Variants in CHD5 observed in about 807,000 individuals in gnomAD.
CHD5 encodes the protein ATP-dependent chromatin remodeler CHD5.
A neutral mutation model predicts 230.3 loss-of-function variants in CHD5; 69 were observed. That is an observed-to-expected ratio of 0.30 (90% CI 0.25 to 0.37). CHD5 has a LOEUF of 0.37. Ranked by LOEUF, CHD5 falls within the 10% of genes least tolerant of loss-of-function variation. The pLI is 1.00. For synonymous variants in CHD5, 1,064 were observed against 1,065.9 expected (o/e 1.00, Z 0.03); for missense variants, 1,827 against 2,622.8 (o/e 0.70, Z 6.63).
chr1:6,150,650 G>A (rs888050901), intron 7 of CHD5, among the ~76,000 whole-genome samples: 2 of 152,100 alleles, frequency 1.3e-5, no homozygotes, highest in Non-Finnish European at 2.9e-5. Flanking sequence ...AAGGAGGGAT[G>A]GGAAGGAAGG....
intron 38 of CHD5, among the ~76,000 whole-genome samples, chr1:6,107,128 G>A (rs1385715227): frequency 6.8e-6 from 1 of 146,116 alleles, no homozygotes; most frequent in Non-Finnish European, 1.5e-5. Flanking sequence ...AGGGATGGAG[G>A]GATAATGTAG....
intron 15 of CHD5, among the ~76,000 whole-genome samples, chr1:6,137,669 G>A (rs1169268644): frequency 6.6e-6 from 1 of 152,200 alleles, no homozygotes; most frequent in East Asian, 1.9e-4. Context: ...GCCTCAGGCT[G>A]GAGCACTCTC....
At position 6,134,787 on chromosome 1, in the gene CHD5, C is replaced by G; in HGVS notation, c.2943G>C (p.Ser981=). 6.2e-7 allele frequency: 1 copy of G among 1,614,048 alleles called. No individual in the cohort carries two copies. Among genetic ancestry groups the G allele is most frequent in the South Asian group, 1.1e-5 (1 of 91,080 alleles). ...LNSKGGGNQV[S]LLNIMMDLKK... ...TCAGGTCCATCATGATGTTGAGCAGCGATACTTGGTTCCCGCCCCCCTTGG... is the reference window on the plus strand; with the variant it reads ...TCAGGTCCATCATGATGTTGAGCAGGGATACTTGGTTCCCGCCCCCCTTGG... Residue 981 remains serine, a synonymous_variant, in exon 19 of 42, where the codon TCG becomes TCC. Coordinates refer to ENST00000262450, the MANE Select transcript of CHD5 (RefSeq NM_015557.3). This position sits in a 1 kb window ranked among gnomAD's most constrained non-coding sequence, Gnocchi z 6.3.
chr1:6,175,336 GATGA>G (rs1667408646), intron 1 of CHD5, among the ~76,000 whole-genome samples: 1 of 151,272 alleles, frequency 6.6e-6, no homozygotes, highest in African/African-American at 2.4e-5. Context: ...ATGGATGGTG[GATGA>G]ATGGATGAGT....
intron 41 of CHD5, 78 bp downstream of exon 41, chr1:6,106,147 AAGTGCAGGG>A (rs1666160120): frequency 8.1e-7 from 1 of 1,234,278 alleles, no homozygotes; most frequent in South Asian, 1.3e-5. Flanking sequence ...GACGGGAGTC[AAGTGCAGGG>A]GCAGGGCTGA....
At chr1:6,159,253 A>G in intron 3 of CHD5, 83 bp downstream of exon 3, 1 of 1,525,126 alleles carries the variant, frequency 6.6e-7, no homozygotes, top group Non-Finnish European at 8.8e-7. Flanking sequence ...ACACACACAC[A>G]CACACAGAAC....
intron 6 of CHD5, among the ~76,000 whole-genome samples, chr1:6,151,787 T>C (rs887053646): frequency 7.4e-5 from 9 of 120,908 alleles, no homozygotes; most frequent in African/African-American, 3.3e-4. Flanking sequence ...AGCTTCCAAC[T>C]CCACCCACCG....
chr1:6,158,062 T>C (rs1667107244), intron 3 of CHD5, among the ~76,000 whole-genome samples: 1 of 152,192 alleles, frequency 6.6e-6, no homozygotes, highest in African/African-American at 2.4e-5. Context: ...AAACCGAGCC[T>C]TGGTGTCTCT....
chr1:6,147,554 C>T (rs778495027), intron 9 of CHD5, among the ~76,000 whole-genome samples: 2 of 152,190 alleles, frequency 1.3e-5, no homozygotes, highest in Non-Finnish European at 2.9e-5. Context: ...TGGGTGGGAG[C>T]AGCCTTGGCC....
intron 15 of CHD5, among the ~76,000 whole-genome samples, chr1:6,137,830 C>T (rs1336323930): frequency 2.0e-5 from 3 of 152,210 alleles, no homozygotes; most frequent in Non-Finnish European, 4.4e-5. Context: ...ACAAATATCC[C>T]AGGGGACAAT....
intron 15 of CHD5, among the ~76,000 whole-genome samples, chr1:6,137,105 G>A (rs2495521): frequency 6.6e-6 from 1 of 151,396 alleles, no homozygotes; most frequent in African/African-American, 2.4e-5. Context: ...AAACGGCCTC[G>A]GCTTGTAACA....
intron 25 of CHD5, chr1:6,127,166 T>C (rs1426238091): frequency 5.4e-6 from 1 of 186,738 alleles, no homozygotes; most frequent in East Asian, 1.6e-4. Context: ...CGGGGACAGC[T>C]GGGGTTTGCC....
At chr1:6,139,371 G>C (rs991260842) in intron 15 of CHD5, among the ~76,000 whole-genome samples, 1 of 151,862 alleles carries the variant, frequency 6.6e-6, no homozygotes, top group Non-Finnish European at 1.5e-5. Flanking sequence ...TGAATAGCTG[G>C]GATTACAGGC....
At chr1:6,116,079 C>T (rs898144137) in intron 33 of CHD5, among the ~76,000 whole-genome samples, 6 of 152,194 alleles carry the variant, frequency 3.9e-5, no homozygotes, top group African/African-American at 1.4e-4. Context: ...TTCTTTAGAG[C>T]ATTTGGAGTC....
At chr1:6,151,220 A>G in intron 6 of CHD5, 65 bp from the exon 7 acceptor site, 2 of 1,527,264 alleles carry the variant, frequency 1.3e-6, no homozygotes, top group South Asian at 2.6e-5. Context: ...TGGCCCAGGC[A>G]GTGTGGGGTG....
intron 33 of CHD5, among the ~76,000 whole-genome samples, chr1:6,115,034 C>T (rs543990581): frequency 2.0e-5 from 3 of 149,782 alleles, no homozygotes; most frequent in Non-Finnish European, 4.4e-5. Flanking sequence ...AAGGGGGGGG[C>T]AGGCGCGGTG....
intron 35 of CHD5, 123 bp from the exon 36 acceptor site, chr1:6,112,006 G>C (rs1666299769): frequency 7.2e-7 from 1 of 1,383,462 alleles, no homozygotes; most frequent in Non-Finnish European, 1.0e-6. Flanking sequence ...AGTGTTCCAG[G>C]GTGGCTAAGA....
At position 6,180,095 on chromosome 1, in the gene CHD5, G is replaced by T; in HGVS notation, c.-72C>A. 6.4e-6 allele frequency: 5 copies of T among 784,492 alleles called. No homozygotes were observed. The highest frequency in any genetic ancestry group is 8.1e-6 in the Non-Finnish European group (5 of 617,358). 48.6% of individuals were successfully genotyped at this position (784,492 alleles called of 1,614,324 possible). ...GCGCGGTGCCAGCCTTAACCCGTGC[G>T]CTGCCGGACCGGCGCGCGCGGCGGG... On this transcript the variant is annotated 5_prime_UTR_variant, in exon 1 of 42. Coordinates refer to ENST00000262450, the MANE Select transcript of CHD5 (RefSeq NM_015557.3).
Position 6,110,438 on chromosome 1 carries a change from T to C in CHD5, c.5338A>G (p.Asn1780Asp). ...EPFKSEVHKG[N>D]YLEMKNKFLA... ...AACTTGTTCTTCATCTCCAGGTAGT[T>C]GCCCTTGTGGACCTCAGACTTGAAG... The change falls in exon 37 of 42, where the codon AAC becomes GAC. Residue 1780 changes from asparagine (N) to aspartate (D), a missense_variant. Asn to Asp is a conservative substitution (Grantham distance 23, BLOSUM62 1). This residue lies in a region of CHD5 where 208 missense variants were observed against 302.0 expected (regional missense o/e 0.69). Transcript: ENST00000262450. The C allele has an allele frequency of 6.2e-7, 1 of 1,614,096 alleles. No homozygotes were observed. The highest frequency in any genetic ancestry group is 8.5e-7 in the Non-Finnish European group (1 of 1,180,026).
Sources: allele counts gnomAD v4.1 joint callset (sites outside exome capture counted in the v4.1 genomes callset), GRCh38; gene constraint gnomAD v4.1.1; regional missense constraint gnomAD v4.1.1; non-coding constraint Gnocchi (gnomAD v3.1); transcripts MANE v1.5; gene names NCBI Gene and HGNC (gene_info 2026-07-23, HGNC 2026-07-21).